Variants in TBC1D15 observed in about 807,000 individuals in gnomAD.
TBC1D15 encodes the protein TBC1 domain family member 15.
TBC1D15 carries 39 observed loss-of-function variants against 95.4 expected under a neutral mutation model. The ratio of observed to expected loss-of-function variants is 0.41; its 90% CI spans 0.32 to 0.53. The LOEUF (loss-of-function observed/expected upper bound fraction) is 0.53, where lower values mean the gene tolerates loss of function less well. Ranked by LOEUF, TBC1D15 falls within the 20% of genes least tolerant of loss-of-function variation. TBC1D15 has a pLI of 0.29. For synonymous variants in TBC1D15, 258 were observed against 261.3 expected (o/e 0.99, Z 0.12); for missense variants, 733 against 794.3 (o/e 0.92, Z 0.93).
chr12:71,893,780 G>A (rs1897647991), intron 6 of TBC1D15, among the ~76,000 whole-genome samples: 2 of 151,896 alleles, frequency 1.3e-5, no homozygotes, highest in African/African-American at 4.8e-5. Context: ...CTAAAAATGT[G>A]CACTTAATAA....
intron 1 of TBC1D15, among the ~76,000 whole-genome samples, chr12:71,862,130 G>C (rs765723036): frequency 5.3e-5 from 8 of 152,210 alleles, no homozygotes; most frequent in Non-Finnish European, 1.2e-4. Flanking sequence ...GCCATGTGTT[G>C]ATGAAAAGAG....
rs1314376722 is a variant in TBC1D15, at chr12:71,884,837, A to G, written c.370A>G (p.Ser124Gly). The G allele has an allele frequency of 1.2e-6, 2 of 1,613,856 alleles. No individual in the cohort carries two copies. Among genetic ancestry groups the G allele is most frequent in the Non-Finnish European group, 1.7e-6 (2 of 1,179,910 alleles). ...GDAPSHRNGK[S>G]KWSFLFSLTD... ...TGCTCCAAGTCATAGAAATGGGAAA[A>G]GCAAATGGTCATTCCTGTTCAGTTT... The change falls in exon 5 of 17, where the codon AGC becomes GGC. Residue 124 changes from serine to glycine, a missense_variant. By Grantham distance (56) the Ser-to-Gly change is moderately conservative. Transcript: ENST00000485960.
chr12:71,909,086 C>A (rs1901530217), intron 11 of TBC1D15, among the ~76,000 whole-genome samples: 1 of 152,196 alleles, frequency 6.6e-6, no homozygotes, highest in Non-Finnish European at 1.5e-5. Context: ...GCTTAATTTT[C>A]TTAGGACATT....
At position 71,850,633 on chromosome 12, in the gene TBC1D15, A is replaced by G. The variant is rs566853746; in HGVS notation, c.30+10822A>G. ...GCTGTGTTGCCGAGGCTGGTCTTGAACTCCTGCCCTCAAGGCGATCCTCCT... is the reference window on the plus strand; with the variant it reads ...GCTGTGTTGCCGAGGCTGGTCTTGAGCTCCTGCCCTCAAGGCGATCCTCCT... On this transcript the variant is annotated intron_variant, in intron 1 of 16. Coordinates refer to ENST00000485960, the MANE Select transcript of TBC1D15 (RefSeq NM_001146213.3). Among the ~76,000 whole-genome samples the G allele has an allele frequency of 2.6e-5, 4 of 150,976 alleles. No homozygotes were observed. The East Asian group carries it at 7.8e-4, about 30-fold the overall frequency.
At chr12:71,854,139 A>G (rs967654985) in intron 1 of TBC1D15, among the ~76,000 whole-genome samples, 4 of 152,202 alleles carry the variant, frequency 2.6e-5, no homozygotes, top group African/African-American at 9.7e-5. Flanking sequence ...AACACACAAC[A>G]TAAAGCTAGA....
intron 5 of TBC1D15, among the ~76,000 whole-genome samples, chr12:71,886,793 A>T (rs528991556): frequency 1.5e-4 from 23 of 152,292 alleles, no homozygotes; most frequent in Non-Finnish European, 2.5e-4. Flanking sequence ...TTCAGGAGAG[A>T]CAGTATCATG....
intron 1 of TBC1D15, among the ~76,000 whole-genome samples, chr12:71,845,656 C>A (rs1158414152): frequency 2.6e-5 from 4 of 152,170 alleles, no homozygotes; most frequent in Non-Finnish European, 1.5e-5. Context: ...CTCAAATTAT[C>A]ATCTGTATGC....
At chr12:71,865,962 G>A (rs1348322074) in intron 1 of TBC1D15, among the ~76,000 whole-genome samples, 4 of 152,066 alleles carry the variant, frequency 2.6e-5, no homozygotes, top group African/African-American at 9.7e-5. Context: ...CCAAGGCACT[G>A]TTTCAACTTG....
intron 3 of TBC1D15, among the ~76,000 whole-genome samples, chr12:71,876,782 C>T (rs922066091): frequency 2.7e-4 from 39 of 144,654 alleles, no homozygotes; most frequent in African/African-American, 5.3e-4. Context: ...TAAATTTTCC[C>T]GTGGATTTTT....
chr12:71,849,959 G>T (rs1182957079), intron 1 of TBC1D15: 5 of 528,314 alleles, frequency 9.5e-6, no homozygotes, highest in Non-Finnish European at 1.5e-5. Context: ...TGTTGATCCA[G>T]TATTGCAGGA....
Position 71,864,893 on chromosome 12 carries a change from ATTTAGCTGCT to A in TBC1D15, c.31-7174_31-7165del, listed in dbSNP as rs200718456. ...CAGTGGTATAGTATCCACGTAGCTTATTTAGCTGCTTTCAGTATCAGCAATAATTGTGGGC... is the reference window on the plus strand; with the variant it reads ...CAGTGGTATAGTATCCACGTAGCTTATTCAGTATCAGCAATAATTGTGGGC... On this transcript the variant is annotated intron_variant, in intron 1 of 16. Transcript: ENST00000485960. 3.9e-4 allele frequency among the ~76,000 whole-genome samples: 60 copies of A among 152,318 alleles called. No individual in the cohort carries two copies. In the East Asian group the frequency reaches 0.011, roughly 28 times the overall value.
chr12:71,921,275 C>A, intron 15 of TBC1D15, 93 bp from the exon 16 acceptor site: 1 of 541,996 alleles, frequency 1.8e-6, no homozygotes, highest in Non-Finnish European at 3.0e-6. Flanking sequence ...ATTTTATCTG[C>A]AGTGAAATAT....
chr12:71,885,399 C>G (rs534422957), intron 5 of TBC1D15, among the ~76,000 whole-genome samples: 97 of 152,056 alleles, frequency 6.4e-4, no homozygotes, highest in Non-Finnish European at 1.1e-3. Flanking sequence ...TCAGGCAAGT[C>G]CTAAGTCCTT....
chr12:71,844,968 T>G (rs1885940764), intron 1 of TBC1D15, among the ~76,000 whole-genome samples: 1 of 152,178 alleles, frequency 6.6e-6, no homozygotes, highest in Admixed American at 6.5e-5. Flanking sequence ...TAAATCAGAT[T>G]AAGTGGAATG....
rs762479981 is a variant in TBC1D15 at position 71,921,459 on chromosome 12, A to G, written c.1803+5A>G. ...CTACAGATGGTAAAATGCAAGGTATACAGTGTTTCAAGTAATTGCAAGATT... is the reference window on the plus strand; with the variant it reads ...CTACAGATGGTAAAATGCAAGGTATGCAGTGTTTCAAGTAATTGCAAGATT... On this transcript the variant is annotated splice_donor_5th_base_variant and intron_variant, in intron 16 of 16. Transcript: ENST00000485960. The G allele has an allele frequency of 3.4e-6, 5 of 1,478,978 alleles. No individual in the cohort carries two copies. The highest frequency in any genetic ancestry group is 9.1e-7 in the Non-Finnish European group (1 of 1,096,542). 91.6% of individuals were successfully genotyped at this position (1,478,978 alleles called of 1,614,324 possible).
Position 71,893,293 on chromosome 12 carries a change from T to A in TBC1D15, c.626T>A (p.Leu209His). 2 of 1,610,298 alleles carry A rather than the reference T, an allele frequency of 1.2e-6. No homozygotes were observed. Among genetic ancestry groups the A allele is most frequent in the South Asian group, 1.1e-5 (1 of 90,868 alleles). Residue 209 changes from leucine to histidine, a missense_variant, in exon 6 of 17, where the codon CTT becomes CAT. Physicochemically the swap from Leu to His is moderately conservative, Grantham distance 99 (BLOSUM62 -3). Transcript: ENST00000485960. ...NKSLSQSFEN[L>H]LDEPAYGLIQ... The stretch of plus-strand genomic sequence containing the variant: ...AGTCTTTCACAGTCTTTTGAAAATC[T>A]TCTTGATGAGCCAGCATATGGTTTA...
intron 1 of TBC1D15, among the ~76,000 whole-genome samples, chr12:71,858,009 G>A (rs1004834872): frequency 1.3e-5 from 2 of 152,046 alleles, no homozygotes; most frequent in African/African-American, 2.4e-5. Flanking sequence ...TACTGCAAAC[G>A]ACAGGATTTT....
intron 1 of TBC1D15, among the ~76,000 whole-genome samples, chr12:71,862,148 T>C (rs972597681): frequency 1.3e-5 from 2 of 152,206 alleles, no homozygotes; most frequent in Non-Finnish European, 2.9e-5. Context: ...GAGTGTATTA[T>C]GCAGCTGTTG....
intron 2 of TBC1D15, among the ~76,000 whole-genome samples, chr12:71,872,477 G>A (rs1218987893): frequency 6.6e-6 from 1 of 152,170 alleles, no homozygotes; most frequent in Non-Finnish European, 1.5e-5. Flanking sequence ...TTAGCCTACA[G>A]TTGGGCAAAA....
Sources: gnomAD v4.1 joint callset for allele counts (sites outside exome capture counted in the v4.1 genomes callset) on GRCh38, gnomAD v4.1.1 for gene constraint, MANE v1.5 for transcripts, NCBI Gene and HGNC (gene_info 2026-07-23, HGNC 2026-07-21) for gene names.